The following SF3B2 variants were observed in gnomAD, a reference collection of about 807,000 sequenced individuals.
SF3B2 encodes the protein splicing factor 3b subunit 2, also known as SAP 145.
Under a neutral mutation model 116.3 loss-of-function variants are expected in SF3B2, and 22 were observed. The ratio of observed to expected loss-of-function variants is 0.19; its 90% CI spans 0.14 to 0.27. The LOEUF is 0.27. Among genes scored for constraint, SF3B2 ranks in the 10% least tolerant of loss-of-function variants. The probability of loss-of-function intolerance (pLI) is 1.00; values close to 1 mark genes in which losing one functional copy is unlikely to be tolerated. For synonymous variants in SF3B2, 406 were observed against 421.6 expected (o/e 0.96, Z 0.45); for missense variants, 767 against 1,151.4 (o/e 0.67, Z 4.83).
chr11:66,057,496 G>A (rs1857022743), intron 7 of SF3B2, 121 bp downstream of exon 7: 1 of 648,412 alleles, frequency 1.5e-6, no homozygotes, highest in South Asian at 1.8e-5. Context: ...GGGGGTAGTG[G>A]GGAGCCCTTC....
At position 66,057,268 on chromosome 11, in the gene SF3B2, G is replaced by C. The variant is rs1857015053; in HGVS notation, c.670G>C (p.Ala224Pro). Residue 224 changes from alanine (A) to proline (P), a missense_variant and splice_region_variant, in exon 7 of 22, where the codon GCT becomes CCT. Ala to Pro is a conservative substitution (Grantham distance 27, BLOSUM62 -1). Coordinates refer to ENST00000322535, the MANE Select transcript of SF3B2 (RefSeq NM_006842.3). ...GATTTCTTTTTCCCGTCTCTTAGTA[G>C]CTGCTCCAGTGGGCCCAGTGGGCCC... ...GVRTPLGPRV[A>P]APVGPVGPTP... The C allele has an allele frequency of 1.3e-6, 2 of 1,589,662 alleles. No homozygotes were observed. Among genetic ancestry groups the C allele is most frequent in the Middle Eastern group, 1.7e-4 (1 of 6,048 alleles).
chr11:66,057,775 AG>A (rs898421886), intron 7 of SF3B2, among the ~76,000 whole-genome samples: 1 of 151,916 alleles, frequency 6.6e-6, no homozygotes, highest in Non-Finnish European at 1.5e-5. Context: ...CAGGAGTTCT[AG>A]ACCAGCCTCA....
Position 66,063,635 on chromosome 11 carries a change from A to C in SF3B2, c.2236A>C (p.Ile746Leu). 3 of 1,612,672 alleles carry C rather than the reference A, an allele frequency of 1.9e-6. No individual in the cohort carries two copies. The highest frequency in any genetic ancestry group is 2.5e-6 in the Non-Finnish European group (3 of 1,179,374). The change falls in exon 19 of 22, where the codon ATC (isoleucine) becomes CTC (leucine). Residue 746 changes from isoleucine to leucine, a missense_variant. Transcript: ENST00000322535. ...GFITPADSGL[I>L]TPGGFSSVPA... ...TTGTTCCTCTCTTTACAGTGGCCTT[A>C]TCACTCCTGGAGGCTTTTCATCAGT...
At position 66,052,627 on chromosome 11, in the gene SF3B2, C is replaced by G. The variant is rs371784148; in HGVS notation, c.134-46C>G. ...CGGAGGCAGGCCGCTGGGGCCTGAC[C>G]TGGCCGGGCTGGCCTGCCCCATTGA... is the stretch of plus-strand genomic sequence containing the variant. On this transcript the variant is annotated intron_variant, in intron 1 of 21. Coordinates refer to ENST00000322535, the MANE Select transcript of SF3B2 (RefSeq NM_006842.3). 5.7e-6 allele frequency: 9 copies of G among 1,592,406 alleles called. No homozygotes were observed. In the African/African-American group the frequency reaches 1.1e-4, roughly 19 times the overall value.
At position 66,059,251 on chromosome 11, in the gene SF3B2, C is replaced by T; in HGVS notation, c.1233C>T (p.Asp411=). 8 of 1,614,022 alleles carry T rather than the reference C, an allele frequency of 5.0e-6. No homozygotes were observed. The highest frequency in any genetic ancestry group is 6.8e-6 in the Non-Finnish European group (8 of 1,179,994). ...KEKEKEPEKL[D]KLENSAAPKK... Reference sequence around the variant, plus strand: ...AAGAGAAGGAGCCAGAGAAACTTGACAAACTGGAGAACTCTGCAGCCCCCA... The same window carrying T: ...AAGAGAAGGAGCCAGAGAAACTTGATAAACTGGAGAACTCTGCAGCCCCCA... The change falls in exon 11 of 22, where the codon GAC becomes GAT. Residue 411 remains aspartate, a synonymous_variant. Coordinates refer to ENST00000322535, the MANE Select transcript of SF3B2 (RefSeq NM_006842.3). The surrounding 1 kb of genome is among the most constrained non-coding windows in gnomAD (Gnocchi z 5.0).
intron 6 of SF3B2, 130 bp downstream of exon 6, chr11:66,057,085 C>T (rs1481884797): frequency 3.6e-6 from 3 of 825,354 alleles, no homozygotes; most frequent in Non-Finnish European, 6.2e-6. Context: ...TTTTTACACA[C>T]TGAACACACC....
chr11:66,057,290 GC>G lies in SF3B2; in HGVS notation c.696del (p.Thr233LeufsTer47). The G allele has an allele frequency of 6.2e-7, 1 of 1,609,330 alleles. No homozygotes were observed. Among genetic ancestry groups the G allele is most frequent in the Non-Finnish European group, 8.5e-7 (1 of 1,175,572 alleles). On this transcript the variant is annotated frameshift_variant, in exon 7 of 22. Coordinates refer to ENST00000322535, the MANE Select transcript of SF3B2 (RefSeq NM_006842.3). LOFTEE classifies it high-confidence loss of function. ...PRVAAPVGPV[G>X]PTPTVLPMGA... is the part of the protein sequence containing the mutation. ...GTAGCTGCTCCAGTGGGCCCAGTGGGCCCCACTCCTACAGTTTTGCCCATGG... is the reference window on the plus strand; with the variant it reads ...GTAGCTGCTCCAGTGGGCCCAGTGGGCCCACTCCTACAGTTTTGCCCATGG...
rs1451340113 is a variant in SF3B2 at position 66,052,416 on chromosome 11, C to G, written c.32C>G (p.Ala11Gly). The G allele has an allele frequency of 6.2e-7, 1 of 1,612,916 alleles. No homozygotes were observed. The highest frequency in any genetic ancestry group is 8.5e-7 in the Non-Finnish European group (1 of 1,179,878). The part of the protein sequence containing the change: MATEHPEPPK[A>G]ELQLPPPPPP... ...ACGGAGCATCCCGAGCCTCCCAAAG[C>G]AGAATTGCAGCTGCCGCCGCCGCCA... Residue 11 changes from alanine to glycine, a missense_variant, in exon 1 of 22, where the codon GCA becomes GGA. Ala to Gly is a moderately conservative substitution (Grantham distance 60). Around this residue, in one of 4 missense-constraint regions of SF3B2, gnomAD observed 455 missense variants for 537.5 expected, o/e 0.85. Transcript: ENST00000322535.
rs1330580663 is a variant in SF3B2 at position 66,052,489 on chromosome 11, G to A, written c.105G>A (p.Lys35=). The change falls in exon 1 of 22, where the codon AAG becomes AAA. Residue 35 remains lysine (K), a synonymous_variant. Transcript: ENST00000322535. The stretch of plus-strand genomic sequence containing the variant: ...GGGCTGCCCAGGAGCTTCAGGCCAA[G>A]TTGGCAGAGATCGGAGCTCCGATCC... The part of the protein sequence containing the change: ...GAWAAQELQA[K]LAEIGAPIQG... The A allele has an allele frequency of 6.2e-7, 1 of 1,613,830 alleles. No individual in the cohort carries two copies. The highest frequency in any genetic ancestry group is 8.5e-7 in the Non-Finnish European group (1 of 1,179,840).
intron 19 of SF3B2, among the ~76,000 whole-genome samples, chr11:66,064,356 T>C (rs1318390760): frequency 6.6e-6 from 1 of 152,244 alleles, no homozygotes; most frequent in African/African-American, 2.4e-5. Flanking sequence ...CTGGGGTTTA[T>C]AGATCATGTC....
Position 66,060,924 on chromosome 11 carries a change from T to C in SF3B2, c.1779+193T>C, listed in dbSNP as rs1857091528. Among the ~76,000 whole-genome samples the C allele has an allele frequency of 2.6e-5, 4 of 152,306 alleles. No homozygotes were observed. In the South Asian group the frequency reaches 8.3e-4, roughly 32 times the overall value. On this transcript the variant is annotated intron_variant, in intron 14 of 21. Coordinates refer to ENST00000322535, the MANE Select transcript of SF3B2 (RefSeq NM_006842.3). ...AAGCAGTCCTCCCATCTCAGCCTCC[T>C]GAGTAGCTGGGACCACAGGCACACC...
intron 3 of SF3B2, 23 bp from the exon 4 acceptor site, chr11:66,055,053 T>C: frequency 2.0e-6 from 3 of 1,498,722 alleles, no homozygotes; most frequent in East Asian, 4.7e-5. Context: ...CTTCCTAGTT[T>C]TATGATCATA....
intron 16 of SF3B2, 32 bp downstream of exon 16, chr11:66,062,030 A>G: frequency 6.5e-7 from 1 of 1,527,752 alleles, no homozygotes; most frequent in Non-Finnish European, 9.0e-7. Flanking sequence ...ATTCTTGGCC[A>G]TTTCTGCTTT....
intron 5 of SF3B2, among the ~76,000 whole-genome samples, chr11:66,056,488 G>T (rs1378137801): frequency 6.6e-6 from 1 of 151,862 alleles, no homozygotes; most frequent in African/African-American, 2.4e-5. Context: ...TTGAGGGGTG[G>T]ATATAAGAAA....
At chr11:66,056,043 AG>A (rs1006459592) in intron 5 of SF3B2, among the ~76,000 whole-genome samples, 2 of 152,164 alleles carry the variant, frequency 1.3e-5, no homozygotes, top group African/African-American at 4.8e-5. Flanking sequence ...TTGGCCCCAG[AG>A]GTGCATTGCA....
intron 19 of SF3B2, chr11:66,066,753 T>C (rs1857194792): frequency 6.6e-6 from 1 of 152,360 alleles, no homozygotes. Flanking sequence ...ATGAATCCTT[T>C]TGGGTGCTTC....
chr11:66,053,081 G>A lies in SF3B2; in HGVS notation c.235G>A (p.Ala79Thr). 6.2e-7 allele frequency: 1 copy of A among 1,614,054 alleles called. No homozygotes were observed. The highest frequency in any genetic ancestry group is 8.5e-7 in the Non-Finnish European group (1 of 1,179,976). Residue 79 changes from alanine to threonine, a missense_variant, in exon 3 of 22, where the codon GCT becomes ACT. Transcript: ENST00000322535. ...GAGAGGGGAAGATGGGGACAAAGCCGCTCCACCTCCCATGTCGGCACAGGT... is the reference window on the plus strand; with the variant it reads ...GAGAGGGGAAGATGGGGACAAAGCCACTCCACCTCCCATGTCGGCACAGGT... ...VLRGEDGDKA[A>T]PPPMSAQLPG...
intron 3 of SF3B2, 142 bp from the exon 4 acceptor site, chr11:66,054,934 G>A: frequency 1.3e-6 from 1 of 754,268 alleles, no homozygotes; most frequent in Admixed American, 2.8e-5. Context: ...TTATAGAGCT[G>A]TGGAGCATTC....
intron 13 of SF3B2, 29 bp downstream of exon 13, chr11:66,060,038 C>T (rs761700059): frequency 4.4e-5 from 70 of 1,591,620 alleles, no homozygotes; most frequent in Non-Finnish European, 5.8e-5. Flanking sequence ...TCAGACCTGC[C>T]CCCGGGTGTC....
Sources: gnomAD v4.1 joint callset for allele counts (sites outside exome capture counted in the v4.1 genomes callset) on GRCh38, gnomAD v4.1.1 for gene constraint, gnomAD v4.1.1 regional missense constraint, Gnocchi (gnomAD v3.1) non-coding constraint, MANE v1.5 for transcripts, NCBI Gene and HGNC (gene_info 2026-07-23, HGNC 2026-07-21) for gene names.